Variants in AGMO observed in about 807,000 individuals in gnomAD.
AGMO encodes alkylglycerol monooxygenase.
A neutral mutation model predicts 60.2 loss-of-function variants in AGMO; 75 were observed. That is an observed-to-expected ratio of 1.25 (90% CI 1.03 to 1.51). AGMO has a LOEUF of 1.51. Ranked by LOEUF, AGMO falls within the 40% of genes most tolerant of loss-of-function variation. The probability of loss-of-function intolerance (pLI) is 0.00; values close to 1 mark genes in which losing one functional copy is unlikely to be tolerated. For missense variants in AGMO, 763 were observed against 525.5 expected, an observed-to-expected ratio of 1.45 and a Z score of -4.42; for synonymous variants, 261 against 177.1, an observed-to-expected ratio of 1.47 and a Z score of -3.76.
chr7:15,495,172 G>A (rs189115276), intron 3 of AGMO, among the ~76,000 whole-genome samples: 33 of 152,206 alleles, frequency 2.2e-4, no homozygotes, highest in African/African-American at 7.0e-4. Context: ...GCTTTATAAC[G>A]TTTTGCCTGG....
At chr7:15,331,793 G>T (rs544872045) in intron 12 of AGMO, among the ~76,000 whole-genome samples, 6 of 152,162 alleles carry the variant, frequency 3.9e-5, no homozygotes, top group African/African-American at 1.4e-4. Context: ...AGGTGTGGTG[G>T]CCCATGCCTA....
intron 3 of AGMO, among the ~76,000 whole-genome samples, chr7:15,468,020 A>G (rs954613086): frequency 1.3e-5 from 2 of 152,120 alleles, no homozygotes; most frequent in Non-Finnish European, 2.9e-5. Context: ...TTCCTTTACC[A>G]AACTTAACAA....
chr7:15,392,587 T>C (rs1583499253), intron 6 of AGMO, among the ~76,000 whole-genome samples: 1 of 152,086 alleles, frequency 6.6e-6, no homozygotes. Context: ...GATCATGAGA[T>C]CAGGAGTTTG....
At chr7:15,288,392 C>T (rs988764430) in intron 12 of AGMO, among the ~76,000 whole-genome samples, 3 of 151,994 alleles carry the variant, frequency 2.0e-5, no homozygotes, top group Non-Finnish European at 2.9e-5. Flanking sequence ...GCAGGAACTG[C>T]GTTTGTAGAT....
intron 12 of AGMO, among the ~76,000 whole-genome samples, chr7:15,235,300 C>A (rs1025908119): frequency 1.3e-5 from 2 of 151,956 alleles, no homozygotes; most frequent in African/African-American, 2.4e-5. Context: ...AAGACAAAGA[C>A]CTTGTTTGTG....
intron 12 of AGMO, among the ~76,000 whole-genome samples, chr7:15,288,441 T>C (rs772222607): frequency 2.6e-5 from 4 of 152,194 alleles, no homozygotes; most frequent in African/African-American, 4.8e-5. Flanking sequence ...TGATAACTTA[T>C]GATATTATGA....
chr7:15,383,436 AG>A (rs1046730878), intron 10 of AGMO, among the ~76,000 whole-genome samples: 5 of 152,164 alleles, frequency 3.3e-5, no homozygotes, highest in African/African-American at 9.7e-5. Flanking sequence ...AATAAAAAAA[AG>A]TCCCACCTAA....
chr7:15,420,918 C>G (rs1780905622), intron 4 of AGMO, among the ~76,000 whole-genome samples: 1 of 152,110 alleles, frequency 6.6e-6, no homozygotes. Context: ...AGAAGTCATA[C>G]ATAATAAGGC....
the AGMO span, among the ~76,000 whole-genome samples, chr7:15,170,040 T>G: frequency 6.6e-6 from 1 of 152,234 alleles, no homozygotes; most frequent in African/African-American, 2.4e-5. Context: ...CTGAGTTGAC[T>G]CAAATCTTTT....
chr7:15,524,639 G>T (rs189014460), intron 3 of AGMO, among the ~76,000 whole-genome samples: 20 of 152,206 alleles, frequency 1.3e-4, no homozygotes, highest in Admixed American at 1.3e-3. Context: ...AAGGTGGGCA[G>T]ATCACCTAAG....
At chr7:15,256,598 G>T (rs527481063) in intron 12 of AGMO, among the ~76,000 whole-genome samples, 2 of 152,072 alleles carry the variant, frequency 1.3e-5, no homozygotes, top group Non-Finnish European at 2.9e-5. Context: ...TCCTGACCTC[G>T]TGTTCCACCC....
intron 4 of AGMO, among the ~76,000 whole-genome samples, chr7:15,424,611 G>A (rs760081540): frequency 1.3e-5 from 2 of 152,070 alleles, no homozygotes; most frequent in African/African-American, 2.4e-5. Flanking sequence ...TTTTCCTGAC[G>A]CATGCTAGCA....
intron 8 of AGMO, among the ~76,000 whole-genome samples, chr7:15,388,424 A>T (rs1784010743): frequency 6.6e-6 from 1 of 151,758 alleles, no homozygotes; most frequent in Non-Finnish European, 1.5e-5. Context: ...GGGGCTTTGC[A>T]ATAATAATAA....
intron 5 of AGMO, among the ~76,000 whole-genome samples, chr7:15,397,885 A>T (rs534066755): frequency 6.6e-6 from 1 of 152,356 alleles, no homozygotes; most frequent in African/African-American, 2.4e-5. Flanking sequence ...AAGAAAGTAC[A>T]GATAAATAAC....
intron 2 of AGMO, among the ~76,000 whole-genome samples, chr7:15,557,142 A>G (rs778064184): frequency 2.0e-5 from 3 of 151,944 alleles, no homozygotes; most frequent in East Asian, 1.9e-4. Context: ...AAGATCCTCA[A>G]AAAAAAACAT....
At chr7:15,389,320 G>A (rs1407606308) in intron 8 of AGMO, among the ~76,000 whole-genome samples, 1 of 151,966 alleles carries the variant, frequency 6.6e-6, no homozygotes, top group Non-Finnish European at 1.5e-5. Flanking sequence ...CTTTTTTAAT[G>A]ACTGCAATAA....
intron 12 of AGMO, among the ~76,000 whole-genome samples, chr7:15,315,372 C>T (rs1780893052): frequency 1.5e-5 from 2 of 131,838 alleles, no homozygotes; most frequent in Admixed American, 7.9e-5. Context: ...AGAGTCTCAC[C>T]CTGTTGCCAG....
At chr7:15,248,645 C>G (rs899281069) in intron 12 of AGMO, among the ~76,000 whole-genome samples, 6 of 152,080 alleles carry the variant, frequency 3.9e-5, no homozygotes, top group Admixed American at 6.6e-5. Flanking sequence ...AAACACTGAA[C>G]TTGAGAGTGG....
rs1554413752 is a variant in AGMO, at chr7:15,322,725, T to TTA, written c.1263+42788_1263+42789insTA. Among the ~76,000 whole-genome samples, 11 of 72,794 alleles carry TTA rather than the reference T, an allele frequency of 1.5e-4. 1 individual carries two copies. Among genetic ancestry groups the TTA allele is most frequent in the African/African-American group, 9.1e-4 (11 of 12,120 alleles). 47.8% of individuals were successfully genotyped at this position (72,794 alleles called of 152,430 possible). On this transcript the variant is annotated intron_variant, in intron 12 of 12. Coordinates refer to ENST00000342526, the MANE Select transcript of AGMO (RefSeq NM_001004320.2). Reference sequence around the variant, plus strand: ...GTATAAATATATATAAATATATAAATATATATATAAATATATAAATATATA... The same window carrying TTA: ...GTATAAATATATATAAATATATAAATTAATATATATAAATATATAAATATATA...
Sources: gnomAD v4.1 joint callset for allele counts (sites outside exome capture counted in the v4.1 genomes callset) on GRCh38, gnomAD v4.1.1 for gene constraint, MANE v1.5 for transcripts, NCBI Gene and HGNC (gene_info 2026-07-23, HGNC 2026-07-21) for gene names.